GPLD1: variants seen among roughly 807,000 people sequenced by gnomAD.
The protein encoded by GPLD1 is phosphatidylinositol-glycan-specific phospholipase D.
Under a neutral mutation model 112.6 loss-of-function variants are expected in GPLD1, and 84 were observed. The ratio of observed to expected loss-of-function variants is 0.75; its 90% CI spans 0.63 to 0.89. GPLD1 has a LOEUF of 0.89. Among genes scored for constraint, GPLD1 ranks in the 40% least tolerant of loss-of-function variants. GPLD1 has a pLI of 0.00. For synonymous variants in GPLD1, 386 were observed against 403.8 expected (o/e 0.96, Z 0.53); for missense variants, 1,044 against 1,051.5 (o/e 0.99, Z 0.10).
rs1183805981 is a variant in GPLD1, at chr6:24,465,209, AAAAAG to A, written c.821+1466_821+1470del. 3.6e-3 allele frequency among the ~76,000 whole-genome samples: 386 copies of A among 107,274 alleles called. 5 individuals are homozygous for A. The highest frequency in any genetic ancestry group is 7.9e-3 in the African/African-American group (174 of 21,944). The allele number at this position is 107,274 out of a possible 152,430, so 70.4% of individuals were successfully genotyped here. On this transcript the variant is annotated intron_variant, in intron 10 of 24. Transcript: ENST00000230036. ...AAGACTCTGTCTCAAAAAAAAAAAA[AAAAAG>A]AAAAGAAAAGAAAAGAAAAGAAAAA...
chr6:24,441,029 G>A (rs184455148), intron 20 of GPLD1, among the ~76,000 whole-genome samples: 33 of 152,234 alleles, frequency 2.2e-4, no homozygotes, highest in African/African-American at 7.7e-4. Context: ...GTGACTGGGC[G>A]CAGTGGCTCA....
In GPLD1 at chr6:24,426,605, T is replaced by A. The variant is rs1185596995; in HGVS notation, c.*2427A>T. 6.6e-6 allele frequency among the ~76,000 whole-genome samples: 1 copy of A among 152,198 alleles called. No homozygotes were observed. The highest frequency in any genetic ancestry group is 2.4e-5 in the African/African-American group (1 of 41,454). On this transcript the variant is annotated 3_prime_UTR_variant, in exon 25 of 25. Transcript: ENST00000230036. ...CATGTTTAAACAGAGGCCTTATCAT[T>A]TAGTGAAGCATAAAAACTGACACTA...
In GPLD1 at chr6:24,445,554, G is replaced by C; in HGVS notation, c.2012C>G (p.Pro671Arg). The change falls in exon 20 of 25, where the codon CCT (proline) becomes CGT (arginine). Residue 671 changes from proline (P) to arginine (R), a missense_variant. Pro to Arg is a moderately radical substitution (Grantham distance 103, BLOSUM62 -2). Transcript: ENST00000230036. ...TLKQVLLVGA[P>R]TYDDVSKVAF... The stretch of plus-strand genomic sequence containing the variant: ...CACAGTGTGTGACCTACCGTACGTA[G>C]GGGCTCCAACCAGCAGCACTTGTTT... 20 of 1,611,824 alleles carry C rather than the reference G, an allele frequency of 1.2e-5. No homozygotes were observed. The highest frequency in any genetic ancestry group is 1.7e-5 in the Non-Finnish European group (20 of 1,177,906).
chr6:24,452,026 T>G lies in GPLD1; in HGVS notation c.1335+1989A>C, dbSNP rs73727665. Among the ~76,000 whole-genome samples the G allele has an allele frequency of 1.5e-3, 227 of 152,122 alleles. 1 individual carries two copies. The highest frequency in any genetic ancestry group is 5.2e-3 in the African/African-American group (218 of 41,570). On this transcript the variant is annotated intron_variant, in intron 14 of 24. Coordinates refer to ENST00000230036, the MANE Select transcript of GPLD1 (RefSeq NM_001503.4). ...CTATCATAAACCTTCATTGTATCAA[T>G]GAGGACACAGAGATGCTCACTGCAG...
chr6:24,431,934 C>T (rs1283942624), intron 24 of GPLD1, among the ~76,000 whole-genome samples: 2 of 152,046 alleles, frequency 1.3e-5, no homozygotes, highest in African/African-American at 4.8e-5. Flanking sequence ...GGGATACTTG[C>T]TCAATTATAA....
chr6:24,462,685 A>C, intron 11 of GPLD1, 45 bp downstream of exon 11: 1 of 1,230,756 alleles, frequency 8.1e-7, no homozygotes, highest in Non-Finnish European at 1.2e-6. Flanking sequence ...CATCTCCTCC[A>C]GGTGAGATGT....
At chr6:24,470,045 G>T (rs1366146575) in intron 7 of GPLD1, among the ~76,000 whole-genome samples, 1 of 152,030 alleles carries the variant, frequency 6.6e-6, no homozygotes, top group Non-Finnish European at 1.5e-5. Flanking sequence ...AAAAACCCTG[G>T]GAGGTAAGCA....
chr6:24,488,833 C>T (rs1764469259), intron 1 of GPLD1, among the ~76,000 whole-genome samples: 1 of 152,104 alleles, frequency 6.6e-6, no homozygotes, highest in Non-Finnish European at 1.5e-5. Context: ...CCCCTAAGGT[C>T]GGTGGCACTG....
At chr6:24,491,997 T>G (rs929768254), upstream of GPLD1, among the ~76,000 whole-genome samples, 2 of 152,154 alleles carry the variant, frequency 1.3e-5, no homozygotes, top group Admixed American at 1.3e-4. Flanking sequence ...ATAATAAGCA[T>G]ATGGAAATAT....
chr6:24,464,621 A>G (rs980674567), intron 10 of GPLD1, among the ~76,000 whole-genome samples: 2 of 152,360 alleles, frequency 1.3e-5, no homozygotes, highest in East Asian at 3.9e-4. Flanking sequence ...ATAAGGGTAA[A>G]GGAATATCAC....
At chr6:24,459,159 A>G (rs1050741039) in intron 12 of GPLD1, among the ~76,000 whole-genome samples, 13 of 152,152 alleles carry the variant, frequency 8.5e-5, no homozygotes, top group Non-Finnish European at 1.6e-4. Context: ...ATGAAATACT[A>G]TCTACTGTCC....
At chr6:24,465,509 C>T (rs1763576068) in intron 10 of GPLD1, among the ~76,000 whole-genome samples, 1 of 151,992 alleles carries the variant, frequency 6.6e-6, no homozygotes, top group South Asian at 2.1e-4. Flanking sequence ...CACTGCCCTC[C>T]AGCCTGGGTG....
chr6:24,462,611 C>A (rs752430117), intron 11 of GPLD1, 119 bp downstream of exon 11: 14 of 687,886 alleles, frequency 2.0e-5, no homozygotes, highest in Non-Finnish European at 3.4e-5. Flanking sequence ...CTGCAAGTGA[C>A]AAATCTGGAA....
chr6:24,429,242 T>C (rs1441397759), intron 24 of GPLD1, 124 bp from the exon 25 acceptor site: 5 of 527,058 alleles, frequency 9.5e-6, no homozygotes, highest in African/African-American at 3.9e-5. Flanking sequence ...CCAGATCCCC[T>C]GGCTTGAACT....
chr6:24,489,994 G>A (rs1462813411), upstream of GPLD1, among the ~76,000 whole-genome samples: 9 of 152,252 alleles, frequency 5.9e-5, no homozygotes, highest in African/African-American at 1.7e-4. Context: ...TGCTTCCTCC[G>A]CCTCCCAAGC....
chr6:24,457,706 C>T lies in GPLD1; in HGVS notation c.1009-1069G>A, dbSNP rs1763312049. Among the ~76,000 whole-genome samples the T allele has an allele frequency of 2.0e-5, 3 of 151,878 alleles. 1 individual carries two copies. The South Asian group carries it at 6.2e-4, about 32-fold the overall frequency. Reference sequence around the variant, plus strand: ...GACCAGCCTGGCCAATATAGTAAAACCCCGTCTCTACTAAAAATTAGCTGG... The same window carrying T: ...GACCAGCCTGGCCAATATAGTAAAATCCCGTCTCTACTAAAAATTAGCTGG... On this transcript the variant is annotated intron_variant, in intron 12 of 24. Transcript: ENST00000230036.
intron 2 of GPLD1, among the ~76,000 whole-genome samples, chr6:24,482,493 C>G (rs1764238136): frequency 6.6e-6 from 1 of 152,140 alleles, no homozygotes; most frequent in South Asian, 2.1e-4. Flanking sequence ...GTTGGCCAGG[C>G]TGGTCTTAAA....
At chr6:24,438,162 T>C (rs1269659449) in intron 20 of GPLD1, among the ~76,000 whole-genome samples, 1 of 152,238 alleles carries the variant, frequency 6.6e-6, no homozygotes, top group East Asian at 1.9e-4. Flanking sequence ...CTGTGTCTCC[T>C]GCATCAGGCG....
chr6:24,453,074 A>G (rs559448475), intron 14 of GPLD1, among the ~76,000 whole-genome samples: 1 of 151,236 alleles, frequency 6.6e-6, no homozygotes, highest in African/African-American at 2.4e-5. Flanking sequence ...ACTTTCCAGG[A>G]CCCTAGCGCT....
Sources: gnomAD v4.1 joint callset for allele counts (sites outside exome capture counted in the v4.1 genomes callset) on GRCh38, gnomAD v4.1.1 for gene constraint, MANE v1.5 for transcripts, NCBI Gene and HGNC (gene_info 2026-07-23, HGNC 2026-07-21) for gene names.